NRDE2: variants seen among roughly 807,000 people sequenced by gnomAD.
NRDE2 encodes NRDE-2, necessary for RNA interference, domain containing.
A neutral mutation model predicts 124.2 loss-of-function variants in NRDE2; 76 were observed. The observed-to-expected ratio is 0.61, with a 90% CI of 0.51 to 0.74. The LOEUF (loss-of-function observed/expected upper bound fraction) is 0.74. NRDE2 is among the 30% of genes least tolerant of loss of function. The pLI, the probability that NRDE2 is intolerant of heterozygous loss-of-function variation, is 0.00. For missense variants in NRDE2, 1,314 were observed against 1,417.3 expected (o/e 0.93, Z 1.17); for synonymous variants, 489 against 528.1 (o/e 0.93, Z 1.01).
Position 90,290,366 on chromosome 14 carries a change from C to A in NRDE2, c.2084G>T (p.Arg695Met), listed in dbSNP as rs1183645575. 2 of 1,614,146 alleles carry A rather than the reference C, an allele frequency of 1.2e-6. No homozygotes were observed. The highest frequency in any genetic ancestry group is 1.6e-4 in the Middle Eastern group (1 of 6,062). Reference sequence around the variant, plus strand: ...CCTGGTCCAGCGAGGATAGCCCAACCTATCCATGCGGCCAACACAGCTAGC... The same window carrying A: ...CCTGGTCCAGCGAGGATAGCCCAACATATCCATGCGGCCAACACAGCTAGC... ...SGASCVGRMD[R>M]LGYPRWTRGQ... Residue 695 changes from arginine (R) to methionine (M), a missense_variant, in exon 10 of 14, where the codon AGG becomes ATG. Transcript: ENST00000354366.
At chr14:90,331,807 C>T (rs1885714209) in intron 1 of NRDE2, 34 bp downstream of exon 1, 1 of 1,612,254 alleles carries the variant, frequency 6.2e-7, no homozygotes, top group Non-Finnish European at 8.5e-7. Flanking sequence ...CTTAAGCCCC[C>T]CAGGTGCCTT....
At chr14:90,302,451 G>A (rs1173120870) in intron 6 of NRDE2, among the ~76,000 whole-genome samples, 7 of 152,174 alleles carry the variant, frequency 4.6e-5, no homozygotes, top group African/African-American at 1.7e-4. Context: ...TGCCAAAGCA[G>A]TTAAGAGACT....
At chr14:90,291,466 G>A (rs1301532524) in intron 9 of NRDE2, among the ~76,000 whole-genome samples, 1 of 152,218 alleles carries the variant, frequency 6.6e-6, no homozygotes, top group Non-Finnish European at 1.5e-5. Flanking sequence ...GCAGCAGTCT[G>A]CTCCAGAAAT....
At chr14:90,326,313 T>G (rs1220416123) in intron 1 of NRDE2, among the ~76,000 whole-genome samples, 2 of 150,844 alleles carry the variant, frequency 1.3e-5, no homozygotes, top group East Asian at 3.9e-4. Context: ...GCTAACAAGG[T>G]GAAACCCCGT....
chr14:90,306,264 C>T (rs371706625), intron 4 of NRDE2, among the ~76,000 whole-genome samples: 18 of 152,338 alleles, frequency 1.2e-4, no homozygotes, highest in African/African-American at 2.4e-4. Flanking sequence ...GGTTCAGGGC[C>T]GGGCTCTCTC....
chr14:90,268,513 A>G lies in NRDE2; in HGVS notation c.*9823T>C, dbSNP rs1595045198. The G allele has an allele frequency of 8.2e-7, 1 of 1,213,734 alleles. No individual in the cohort carries two copies. The highest frequency in any genetic ancestry group is 2.3e-5 in the East Asian group (1 of 42,704). The allele number at this position is 1,213,734 out of a possible 1,614,324, so 75.2% of individuals were successfully genotyped here. A position where few individuals can be genotyped will look rare whatever the true frequency, so the allele number is the denominator to read the frequency against. On this transcript the variant is annotated 3_prime_UTR_variant, in exon 14 of 14. Transcript: ENST00000354366. ...CTCAGGGGGCTCTCCCTATGGCCAC[A>G]GTTCTTGCTGTGCGTGGCCTTCCAT...
chr14:90,314,822 A>C (rs945292363), intron 3 of NRDE2, among the ~76,000 whole-genome samples: 1 of 152,116 alleles, frequency 6.6e-6, no homozygotes. Flanking sequence ...ACCCTCAAAA[A>C]TTCAGTCAAA....
chr14:90,314,494 A>G (rs1884966937), intron 3 of NRDE2, among the ~76,000 whole-genome samples: 1 of 152,250 alleles, frequency 6.6e-6, no homozygotes, highest in African/African-American at 2.4e-5. Context: ...AAGAGGCTGT[A>G]AAGATTCCCT....
At chr14:90,278,592 G>T in intron 13 of NRDE2, 131 bp from the exon 14 acceptor site, 2 of 1,133,076 alleles carry the variant, frequency 1.8e-6, no homozygotes, top group Non-Finnish European at 2.5e-6. Flanking sequence ...TGCTCCCCTT[G>T]GCTGAGACTT....
intron 4 of NRDE2, among the ~76,000 whole-genome samples, chr14:90,305,558 G>A (rs1485741562): frequency 6.6e-6 from 1 of 152,172 alleles, no homozygotes; most frequent in East Asian, 1.9e-4. Context: ...AGTAAACAGA[G>A]GTACAGCCAT....
chr14:90,324,374 G>A (rs573557403), intron 1 of NRDE2, among the ~76,000 whole-genome samples: 8 of 152,176 alleles, frequency 5.3e-5, no homozygotes, highest in East Asian at 3.9e-4. Flanking sequence ...AAAGAACAGC[G>A]TTTAAGAACA....
chr14:90,326,007 T>G (rs1885417770), intron 1 of NRDE2, among the ~76,000 whole-genome samples: 1 of 152,208 alleles, frequency 6.6e-6, no homozygotes, highest in Admixed American at 6.5e-5. Flanking sequence ...AGGCAAAAAG[T>G]ACACTGCTTC....
chr14:90,317,688 G>A, intron 2 of NRDE2: 2 of 196,746 alleles, frequency 1.0e-5, no homozygotes, highest in Non-Finnish European at 2.0e-5. Context: ...GGTTGAAAAT[G>A]TAACTAAAAA....
rs1448183171 is a variant in NRDE2, at chr14:90,268,059, T to C, written c.*10277A>G. 9 of 539,382 alleles carry C rather than the reference T, an allele frequency of 1.7e-5. No homozygotes were observed. The highest frequency in any genetic ancestry group is 2.9e-5 in the Non-Finnish European group (9 of 311,716). 33.4% of individuals were successfully genotyped at this position (539,382 alleles called of 1,614,324 possible). A position where few individuals can be genotyped will look rare whatever the true frequency, so the allele number is the denominator to read the frequency against. ...GTAGATTTTTCTAAATGTCCTCTTA[T>C]CTACTTAGGAGAATGGAATGTCGTG... is the stretch of plus-strand genomic sequence containing the variant. On this transcript the variant is annotated 3_prime_UTR_variant, in exon 14 of 14. Coordinates refer to ENST00000354366, the MANE Select transcript of NRDE2 (RefSeq NM_017970.4).
At chr14:90,299,078 TC>T (rs1379807581) in intron 7 of NRDE2, among the ~76,000 whole-genome samples, 1 of 85,798 alleles carries the variant, frequency 1.2e-5, no homozygotes, top group Non-Finnish European at 2.9e-5. Flanking sequence ...AGAGTCTCGC[TC>T]TTGTTGCCCA....
chr14:90,273,551 C>T lies in NRDE2; in HGVS notation c.*4785G>A, dbSNP rs1566677233. 1.3e-5 allele frequency: 2 copies of T among 152,176 alleles called. No homozygotes were observed. Among genetic ancestry groups the T allele is most frequent in the African/African-American group, 4.8e-5 (2 of 41,418 alleles). 9.4% of individuals were successfully genotyped at this position (152,176 alleles called of 1,614,324 possible). ...CCAGCCTGGGCGACAGAGCAAGACT[C>T]CGTCTCAAAAATAAATAAATAAATA... On this transcript the variant is annotated 3_prime_UTR_variant, in exon 14 of 14. Coordinates refer to ENST00000354366, the MANE Select transcript of NRDE2 (RefSeq NM_017970.4).
intron 1 of NRDE2, among the ~76,000 whole-genome samples, chr14:90,320,791 C>A (rs1199795665): frequency 6.6e-6 from 1 of 152,188 alleles, no homozygotes; most frequent in Non-Finnish European, 1.5e-5. Flanking sequence ...TCCTTTTCAT[C>A]TTTTAATCCT....
At chr14:90,312,304 G>C (rs1403611539) in intron 4 of NRDE2, 90 bp downstream of exon 4, 10 of 1,245,330 alleles carry the variant, frequency 8.0e-6, no homozygotes, top group Non-Finnish European at 1.1e-5. Context: ...ATGAAAGAGA[G>C]AAACAGGCAG....
At chr14:90,313,215 CT>C (rs1428570848) in intron 3 of NRDE2, among the ~76,000 whole-genome samples, 1 of 151,292 alleles carries the variant, frequency 6.6e-6, no homozygotes, top group Admixed American at 6.6e-5. Context: ...CAAGCTCCGC[CT>C]CCCGGATTCA....
Sources: gnomAD v4.1 joint callset for allele counts (sites outside exome capture counted in the v4.1 genomes callset) on GRCh38, gnomAD v4.1.1 for gene constraint, MANE v1.5 for transcripts, NCBI Gene and HGNC (gene_info 2026-07-23, HGNC 2026-07-21) for gene names.